Variants in FAM107B observed in about 807,000 individuals in gnomAD.
The protein encoded by FAM107B is protein FAM107B.
Under a neutral mutation model 31.5 loss-of-function variants are expected in FAM107B, and 21 were observed. That is an observed-to-expected ratio of 0.67 (90% CI 0.47 to 0.96). The LOEUF (loss-of-function observed/expected upper bound fraction) is 0.96, where lower values mean the gene tolerates loss of function less well. FAM107B is among the 40% of genes least tolerant of loss of function. The probability of loss-of-function intolerance (pLI) is 0.00; values close to 1 mark genes in which losing one functional copy is unlikely to be tolerated. For synonymous variants in FAM107B, 157 were observed against 141.5 expected, an observed-to-expected ratio of 1.11 and a Z score of -0.78; for missense variants, 452 against 377.1, an observed-to-expected ratio of 1.20 and a Z score of -1.64.
At chr10:14,742,961 G>A (rs892303150) in intron 1 of FAM107B, among the ~76,000 whole-genome samples, 1 of 151,858 alleles carries the variant, frequency 6.6e-6, no homozygotes, top group African/African-American at 2.4e-5. Context: ...TAATCTCTGT[G>A]TTTCTTGGTC....
rs141327546 is a variant in FAM107B, at chr10:14,743,148, G to C, written c.411+31105C>G. Among the ~76,000 whole-genome samples, 24 of 152,038 alleles carry C rather than the reference G, an allele frequency of 1.6e-4. No individual in the cohort carries two copies. The East Asian group carries it at 4.6e-3, about 29-fold the overall frequency. ...ATGTTGAGCTTTTTTTCATATGTTTGTTGGCTGCATGTATGTCTTCTTTTG... is the reference window on the plus strand; with the variant it reads ...ATGTTGAGCTTTTTTTCATATGTTTCTTGGCTGCATGTATGTCTTCTTTTG... On this transcript the variant is annotated intron_variant, in intron 1 of 4. Transcript: ENST00000181796.
rs143589160 is a variant in FAM107B, at chr10:14,699,590, C to T, written c.412-31899G>A. Among the ~76,000 whole-genome samples the T allele has an allele frequency of 5.9e-5, 9 of 152,328 alleles. No homozygotes were observed. In the East Asian group the frequency reaches 1.7e-3, roughly 29 times the overall value. ...CAATGAATCGGAGGGTGCCTGCCCA[C>T]ATCAGCAAGGGATAGCTACTTTACT... On this transcript the variant is annotated intron_variant, in intron 1 of 4. Transcript: ENST00000181796.
intron 1 of FAM107B, among the ~76,000 whole-genome samples, chr10:14,747,126 C>A (rs142845982): frequency 6.6e-6 from 1 of 152,134 alleles, no homozygotes; most frequent in Admixed American, 6.5e-5. Flanking sequence ...TCTTGTGTTG[C>A]GTTTCTCAGC....
chr10:14,733,511 A>C (rs1304151725), intron 1 of FAM107B, among the ~76,000 whole-genome samples: 1 of 152,236 alleles, frequency 6.6e-6, no homozygotes, highest in Non-Finnish European at 1.5e-5. Flanking sequence ...GAGTGACACC[A>C]GTCTGTCTGT....
At chr10:14,721,364 A>G (rs1397601451) in intron 1 of FAM107B, among the ~76,000 whole-genome samples, 1 of 151,166 alleles carries the variant, frequency 6.6e-6, no homozygotes, top group Non-Finnish European at 1.5e-5. Context: ...TATACCCAGT[A>G]ATGGGATGGC....
chr10:14,760,555 G>A (rs1190278807), intron 1 of FAM107B, among the ~76,000 whole-genome samples: 2 of 149,514 alleles, frequency 1.3e-5, no homozygotes, highest in African/African-American at 5.1e-5. Context: ...TCACATTAAT[G>A]AGACACCAAA....
chr10:14,656,510 G>C (rs192882615), intron 2 of FAM107B, among the ~76,000 whole-genome samples: 116 of 152,326 alleles, frequency 7.6e-4, no homozygotes, highest in African/African-American at 2.6e-3. Context: ...AAGGAGACAA[G>C]TGACTGGACA....
intron 1 of FAM107B, among the ~76,000 whole-genome samples, chr10:14,762,523 G>A (rs1003335408): frequency 3.9e-5 from 6 of 152,142 alleles, no homozygotes; most frequent in Non-Finnish European, 4.4e-5. Flanking sequence ...AAGAGGCCGA[G>A]GCAGGCAGAT....
intron 1 of FAM107B, among the ~76,000 whole-genome samples, chr10:14,734,105 T>C (rs973625789): frequency 6.6e-6 from 1 of 152,118 alleles, no homozygotes; most frequent in Admixed American, 6.5e-5. Context: ...AAAAAATATA[T>C]ACAACTTCTT....
intron 2 of FAM107B, among the ~76,000 whole-genome samples, chr10:14,583,830 C>T (rs916741265): frequency 1.3e-5 from 2 of 152,176 alleles, no homozygotes; most frequent in Non-Finnish European, 2.9e-5. Context: ...CTGTTGAGCG[C>T]TCTCCTAGAC....
intron 2 of FAM107B, chr10:14,554,114 G>C (rs542079984): frequency 1.1e-4 from 104 of 985,314 alleles, no homozygotes; most frequent in South Asian, 4.7e-4. Flanking sequence ...CTGATCACAG[G>C]CATCTCAGAT....
chr10:14,739,908 T>C (rs1371381340), intron 1 of FAM107B, among the ~76,000 whole-genome samples: 1 of 152,100 alleles, frequency 6.6e-6, no homozygotes, highest in Non-Finnish European at 1.5e-5. Flanking sequence ...CAACTATCTC[T>C]AGTTGGTCTA....
chr10:14,679,839 G>A (rs1367378738), intron 1 of FAM107B, among the ~76,000 whole-genome samples: 1 of 152,150 alleles, frequency 6.6e-6, no homozygotes, highest in Non-Finnish European at 1.5e-5. Context: ...ATAAAAGCAG[G>A]CAGAGGAACG....
chr10:14,546,629 TA>T (rs1459159539), intron 2 of FAM107B, among the ~76,000 whole-genome samples: 5 of 152,230 alleles, frequency 3.3e-5, no homozygotes, highest in Admixed American at 1.3e-4. Context: ...CTACAATGTT[TA>T]AAAACCAGTG....
Position 14,522,008 on chromosome 10 carries a change from G to A in FAM107B, c.665C>T (p.Pro222Leu), listed in dbSNP as rs1160117113. 9 of 1,613,012 alleles carry A rather than the reference G, an allele frequency of 5.6e-6. No individual in the cohort carries two copies. Among genetic ancestry groups the A allele is most frequent in the South Asian group, 1.1e-5 (1 of 90,880 alleles). ...LLMNQKRGLA[P>L]QNKPELQKVM... Reference sequence around the variant, plus strand: ...CTTCTGCAATTCTGGTTTGTTCTGAGGAGCAAGACCCCTGCGAAAGAGCAT... The same window carrying A: ...CTTCTGCAATTCTGGTTTGTTCTGAAGAGCAAGACCCCTGCGAAAGAGCAT... The change falls in exon 4 of 5, where the codon CCT (proline) becomes CTT (leucine). Residue 222 changes from proline (P) to leucine (L), a missense_variant. Transcript: ENST00000181796.
At chr10:14,540,888 C>A (rs189595585) in intron 2 of FAM107B, among the ~76,000 whole-genome samples, 154 of 152,262 alleles carry the variant, frequency 1.0e-3, no homozygotes, top group African/African-American at 3.6e-3. Context: ...AAGGACAGAG[C>A]CAACCCCACC....
Position 14,695,240 on chromosome 10 carries a change from C to G in FAM107B, c.412-27549G>C, listed in dbSNP as rs192014233. On this transcript the variant is annotated intron_variant, in intron 1 of 4. Coordinates refer to ENST00000181796, the MANE Select transcript of FAM107B (RefSeq NM_031453.4). Reference sequence around the variant, plus strand: ...TGTGGAAATCCAGTTTTTCCAGCTCCATTTACTGAAGAGACCCTCCTTTCC... The same window carrying G: ...TGTGGAAATCCAGTTTTTCCAGCTCGATTTACTGAAGAGACCCTCCTTTCC... 1.8e-3 allele frequency among the ~76,000 whole-genome samples: 274 copies of G among 152,294 alleles called. 1 individual carries two copies. The highest frequency in any genetic ancestry group is 6.3e-3 in the African/African-American group (262 of 41,554).
At chr10:14,608,016 A>C (rs1852635995) in intron 2 of FAM107B, among the ~76,000 whole-genome samples, 1 of 149,310 alleles carries the variant, frequency 6.7e-6, no homozygotes, top group Non-Finnish European at 1.5e-5. Flanking sequence ...AGCAGAAATG[A>C]CTATTTGGGG....
chr10:14,541,411 A>G (rs1005357382), intron 2 of FAM107B, among the ~76,000 whole-genome samples: 5 of 152,098 alleles, frequency 3.3e-5, no homozygotes, highest in African/African-American at 1.2e-4. Context: ...CATCAACTCT[A>G]GGCAGCCAGT....
Sources: allele counts gnomAD v4.1 joint callset (sites outside exome capture counted in the v4.1 genomes callset), GRCh38; gene constraint gnomAD v4.1.1; transcripts MANE v1.5; gene names NCBI Gene and HGNC (gene_info 2026-07-23, HGNC 2026-07-21).